Variants in FRAS1 observed in about 807,000 individuals in gnomAD.
The protein encoded by FRAS1 is extracellular matrix organizing protein FRAS1.
In FRAS1, 290 loss-of-function variants were observed where a neutral mutation model predicts 435.2. That is an observed-to-expected ratio of 0.67 (90% confidence interval 0.61 to 0.73). The LOEUF (loss-of-function observed/expected upper bound fraction) is 0.73, where lower values mean the gene tolerates loss of function less well. Among genes scored for constraint, FRAS1 ranks in the 30% least tolerant of loss-of-function variants. FRAS1 has a pLI of 0.00. For missense variants in FRAS1, 4,860 were observed against 5,001.5 expected, an observed-to-expected ratio of 0.97 and a Z score of 0.85; for synonymous variants, 1,800 against 1,851.0, an observed-to-expected ratio of 0.97 and a Z score of 0.71.
intron 30 of FRAS1, among the ~76,000 whole-genome samples, chr4:78,401,256 ACTT>A (rs146651980): frequency 0.16 from 23,654 of 152,038 alleles, 2,279 homozygotes; most frequent in Non-Finnish European, 0.23. Context: ...ATATCACTAG[ACTT>A]CTTCTTAATG....
At position 78,447,945 on chromosome 4, in the gene FRAS1, T is replaced by G. The variant is rs962775858; in HGVS notation, c.6011-108T>G. 2.5e-5 allele frequency: 26 copies of G among 1,045,678 alleles called. No individual in the cohort carries two copies. The African/African-American group carries it at 3.2e-4, about 13-fold the overall frequency. The allele number at this position is 1,045,678 out of a possible 1,614,324, so 64.8% of individuals were successfully genotyped here. Reference sequence around the variant, plus strand: ...TGGCACCAAGAGCCTCTGAGGCACTTGACATTCTACCCAGACTCATACTAC... The same window carrying G: ...TGGCACCAAGAGCCTCTGAGGCACTGGACATTCTACCCAGACTCATACTAC... On this transcript the variant is annotated intron_variant, in intron 43 of 73. Coordinates refer to ENST00000512123, the MANE Select transcript of FRAS1 (RefSeq NM_025074.7).
chr4:78,081,252 T>C (rs1448521085), intron 2 of FRAS1, among the ~76,000 whole-genome samples: 1 of 152,140 alleles, frequency 6.6e-6, no homozygotes, highest in Non-Finnish European at 1.5e-5. Flanking sequence ...TCAATAGAAC[T>C]TTCTGCCACA....
At chr4:78,537,306 T>G in intron 72 of FRAS1, 106 bp downstream of exon 72, 1 of 1,048,230 alleles carries the variant, frequency 9.5e-7, no homozygotes, top group East Asian at 2.6e-5. Flanking sequence ...GATATTTTCT[T>G]CTCTATATAT....
At chr4:78,285,586 C>A (rs372936947) in intron 13 of FRAS1, among the ~76,000 whole-genome samples, 4 of 151,732 alleles carry the variant, frequency 2.6e-5, no homozygotes, top group Non-Finnish European at 5.9e-5. Flanking sequence ...GCATCTGCCA[C>A]CACACCAGCT....
At chr4:78,077,586 C>T (rs188129343) in intron 2 of FRAS1, among the ~76,000 whole-genome samples, 7 of 151,652 alleles carry the variant, frequency 4.6e-5, no homozygotes, top group African/African-American at 9.7e-5. Flanking sequence ...ATCATCCACC[C>T]GCCTCCTATC....
chr4:78,088,928 G>A (rs1209354694), intron 2 of FRAS1, among the ~76,000 whole-genome samples: 2 of 151,966 alleles, frequency 1.3e-5, no homozygotes, highest in African/African-American at 2.4e-5. Flanking sequence ...CCCATTACTG[G>A]GTATATACCC....
intron 2 of FRAS1, among the ~76,000 whole-genome samples, chr4:78,112,236 TAGAAA>T (rs1346767564): frequency 6.6e-6 from 1 of 152,158 alleles, no homozygotes; most frequent in Non-Finnish European, 1.5e-5. Flanking sequence ...CCATAAGGTA[TAGAAA>T]AGTCATGTCA....
intron 2 of FRAS1, among the ~76,000 whole-genome samples, chr4:78,164,566 C>A: frequency 6.6e-6 from 1 of 151,864 alleles, no homozygotes; most frequent in East Asian, 1.9e-4. Context: ...GAGATAATGT[C>A]TTATATAAAT....
chr4:78,284,277 G>T, intron 12 of FRAS1, 128 bp from the exon 13 acceptor site: 22 of 280,886 alleles, frequency 7.8e-5, no homozygotes, highest in East Asian at 2.0e-4. Context: ...TTTTTCCTAA[G>T]TCCCACAGTT....
chr4:78,366,423 C>A (rs11098154), intron 22 of FRAS1, among the ~76,000 whole-genome samples: 25,375 of 152,114 alleles, frequency 0.17, 2,716 homozygotes, highest in East Asian at 0.33. Context: ...TTTTAATTGG[C>A]CCTAGAACTT....
intron 2 of FRAS1, chr4:78,070,714 A>T (rs1436626050): frequency 6.6e-6 from 1 of 152,216 alleles, no homozygotes; most frequent in Non-Finnish European, 1.5e-5. Flanking sequence ...GTTTTCACAC[A>T]CCTTCTGTTC....
In FRAS1 at chr4:78,065,081, T is replaced by TATATATATATATACACACAC. The variant is rs762909923; in HGVS notation, c.77-901_77-900insTATATATATACACACACATA. Among the ~76,000 whole-genome samples, 577 of 125,586 alleles carry TATATATATATATACACACAC rather than the reference T, an allele frequency of 4.6e-3. 6 individuals carry two copies. The highest frequency in any genetic ancestry group is 6.7e-3 in the African/African-American group (222 of 32,894). The allele number at this position is 125,586 out of a possible 152,430, so 82.4% of individuals were successfully genotyped here. ...GTGTATATATATATATATATATATA[T>TATATATATATATACACACAC]ATACATACACACACACACACTAAAT... On this transcript the variant is annotated intron_variant, in intron 1 of 73. Transcript: ENST00000512123.
At chr4:78,224,515 A>G (rs1389562708) in intron 2 of FRAS1, among the ~76,000 whole-genome samples, 1 of 152,134 alleles carries the variant, frequency 6.6e-6, no homozygotes, top group Non-Finnish European at 1.5e-5. Context: ...AATAGTAGCT[A>G]TGAGGATGTG....
At chr4:78,132,903 T>C (rs1302422680) in intron 2 of FRAS1, among the ~76,000 whole-genome samples, 2 of 152,164 alleles carry the variant, frequency 1.3e-5, no homozygotes, top group Non-Finnish European at 2.9e-5. Flanking sequence ...TTAGAGGAGC[T>C]GTCTGCTGGC....
At chr4:78,379,573 G>A (rs1731926905) in intron 26 of FRAS1, 153 bp from the exon 27 acceptor site, 8 of 737,080 alleles carry the variant, frequency 1.1e-5, no homozygotes, top group East Asian at 2.6e-5. Flanking sequence ...CCAGCACACT[G>A]TTTATGCAGT....
At chr4:78,162,842 G>C (rs1187309974) in intron 2 of FRAS1, among the ~76,000 whole-genome samples, 1 of 152,158 alleles carries the variant, frequency 6.6e-6, no homozygotes, top group Non-Finnish European at 1.5e-5. Context: ...TTAATTCCCT[G>C]CTGTGTCAGT....
intron 2 of FRAS1, among the ~76,000 whole-genome samples, chr4:78,094,213 AACATCTCTTGT>A (rs1197722983): frequency 1.1e-3 from 160 of 151,198 alleles, no homozygotes; most frequent in African/African-American, 3.7e-3. Context: ...TAGGCCACAC[AACATCTCTTGT>A]ATTAGGGAAA....
chr4:78,373,408 G>A (rs1302167522), intron 24 of FRAS1, among the ~76,000 whole-genome samples: 1 of 150,418 alleles, frequency 6.6e-6, no homozygotes, highest in Non-Finnish European at 1.5e-5. Flanking sequence ...AACCACGAAA[G>A]GTTGACATTT....
At position 78,540,797 on chromosome 4, in the gene FRAS1, G is replaced by A. The variant is rs370263207; in HGVS notation, c.11712G>A (p.Ala3904=). 5.6e-5 allele frequency: 91 copies of A among 1,613,716 alleles called. No homozygotes were observed. In the Middle Eastern group the frequency reaches 1.8e-3, roughly 32 times the overall value. Residue 3904 remains alanine, a synonymous_variant, in exon 74 of 74, where the codon GCG becomes GCA. Transcript: ENST00000512123. ...AVAASLSQTG[A]SIGSALAAIM... is the part of the protein sequence containing the mutation. ...CTGCGTCCCTGTCACAGACTGGGGCGTCCATTGGCAGTGCCCTGGCTGCAA... is the reference window on the plus strand; with the variant it reads ...CTGCGTCCCTGTCACAGACTGGGGCATCCATTGGCAGTGCCCTGGCTGCAA...
Sources: gnomAD v4.1 joint callset for allele counts (sites outside exome capture counted in the v4.1 genomes callset) on GRCh38, gnomAD v4.1.1 for gene constraint, MANE v1.5 for transcripts, NCBI Gene and HGNC (gene_info 2026-07-23, HGNC 2026-07-21) for gene names.